CATIP: variants seen among roughly 807,000 people sequenced by gnomAD.
The protein encoded by CATIP is ciliogenesis-associated TTC17-interacting protein.
Under a neutral mutation model 42.5 loss-of-function variants are expected in CATIP, and 40 were observed. That is an observed-to-expected ratio of 0.94 (90% CI 0.73 to 1.22). The LOEUF (loss-of-function observed/expected upper bound fraction) is 1.22, where lower values mean the gene tolerates loss of function less well. CATIP is among the 50% of genes most tolerant of loss of function. The pLI, the probability that CATIP is intolerant of heterozygous loss-of-function variation, is 0.00. For missense variants in CATIP, 489 were observed against 496.0 expected (o/e 0.99, Z 0.13); for synonymous variants, 222 against 200.2 (o/e 1.11, Z -0.92).
At position 218,364,772 on chromosome 2, in the gene CATIP, C is replaced by T; in HGVS notation, c.755+20C>T. 1 of 1,607,218 alleles carries T rather than the reference C, an allele frequency of 6.2e-7. No homozygotes were observed. The highest frequency in any genetic ancestry group is 1.1e-5 in the South Asian group (1 of 90,054). On this transcript the variant is annotated intron_variant, in intron 7 of 9. Coordinates refer to ENST00000289388, the MANE Select transcript of CATIP (RefSeq NM_198559.2). ...CGATGGGTGAGCTGCTGATGGTGGGCCCAGAGGGGTGGTGCTGAGCTTGTA... is the reference window on the plus strand; with the variant it reads ...CGATGGGTGAGCTGCTGATGGTGGGTCCAGAGGGGTGGTGCTGAGCTTGTA...
At chr2:218,361,163 C>T (rs896020417) in intron 5 of CATIP, among the ~76,000 whole-genome samples, 8 of 152,036 alleles carry the variant, frequency 5.3e-5, no homozygotes, top group Admixed American at 4.6e-4. Flanking sequence ...TAAGGAGACA[C>T]GAAACATCAA....
At position 218,364,646 on chromosome 2, in the gene CATIP, ACCAT is replaced by A; in HGVS notation, c.653_656del (p.Ile218ArgfsTer2). ...TTGCCAGCAAAACCTGGGCTTCCAGACCATCCAGGTAGACCATCAGCAGGCTGAA... is the reference window on the plus strand; with the variant it reads ...TTGCCAGCAAAACCTGGGCTTCCAGACCAGGTAGACCATCAGCAGGCTGAA... On this transcript the variant is annotated frameshift_variant, in exon 7 of 10. Transcript: ENST00000289388. LOFTEE classifies it high-confidence loss of function. The A allele has an allele frequency of 1.9e-6, 3 of 1,613,916 alleles. No homozygotes were observed. The highest frequency in any genetic ancestry group is 1.7e-6 in the Non-Finnish European group (2 of 1,179,886).
chr2:218,364,827 G>A, intron 7 of CATIP, 75 bp downstream of exon 7: 1 of 1,514,498 alleles, frequency 6.6e-7, no homozygotes, highest in Non-Finnish European at 8.9e-7. Flanking sequence ...TGCTTCTGGG[G>A]ATAGCACCAG....
rs747109328 is a variant in CATIP at position 218,367,956 on chromosome 2, G to A, written c.1156G>A (p.Ala386Thr). 1.0e-5 allele frequency: 16 copies of A among 1,577,962 alleles called. No individual in the cohort carries two copies. Among genetic ancestry groups the A allele is most frequent in the Middle Eastern group, 2.1e-4 (1 of 4,786 alleles). ...LEPEGDARSG[A>T]A ...GCCGGAGGGAGACGCCCGCTCGGGG[G>A]CGGCCTAAGCGGGGCCCAGGCCCGG... is the stretch of plus-strand genomic sequence containing the variant. The change falls in exon 10 of 10, where the codon GCG becomes ACG. Residue 386 changes from alanine to threonine, a missense_variant. Coordinates refer to ENST00000289388, the MANE Select transcript of CATIP (RefSeq NM_198559.2).
In CATIP at chr2:218,362,901, ATG is replaced by A; in HGVS notation, c.630+1_630+2del. The A allele has an allele frequency of 6.2e-7, 1 of 1,610,642 alleles. No homozygotes were observed. Among genetic ancestry groups the A allele is most frequent in the Non-Finnish European group, 8.5e-7 (1 of 1,177,916 alleles). On this transcript the variant is annotated splice_donor_variant and coding_sequence_variant, in exon 6 of 10. Transcript: ENST00000289388. LOFTEE classifies it high-confidence loss of function. ...GAGGGCAAACTCTGCTATTTGACCTATGTAAGGGGTCCCCTTGGGCAGGGGAC... is the reference window on the plus strand; with the variant it reads ...GAGGGCAAACTCTGCTATTTGACCTATAAGGGGTCCCCTTGGGCAGGGGAC...
intron 5 of CATIP, among the ~76,000 whole-genome samples, chr2:218,361,665 T>C (rs1695238413): frequency 6.6e-6 from 1 of 152,206 alleles, no homozygotes; most frequent in South Asian, 2.1e-4. Context: ...AATTTCCTTG[T>C]GGGCAAATAG....
At chr2:218,357,283 C>CTCTCTCTCTCTCTCTCTT (rs1164351234) in intron 2 of CATIP, 96 bp downstream of exon 2, 1 of 880,160 alleles carries the variant, frequency 1.1e-6, no homozygotes, top group African/African-American at 1.7e-5. Context: ...CTCTCTCTCT[C>CTCTCTCTCTCTCTCTCTT]TCTCTCTTCC....
rs1695079954 is a variant in CATIP, at chr2:218,357,665, T to C, written c.250T>C (p.Tyr84His). Residue 84 changes from tyrosine to histidine, a missense_variant, in exon 3 of 10, where the codon TAC (tyrosine) becomes CAC (histidine). Coordinates refer to ENST00000289388, the MANE Select transcript of CATIP (RefSeq NM_198559.2). ...KYQEKLGMLTYCLFVHASSRG... is the reference protein window; with the variant it reads ...KYQEKLGMLTHCLFVHASSRG... ...CCAGGAAAAACTCGGCATGCTGACA[T>C]ACTGCCTCTTCGTGCATGCCTCTAG... The C allele has an allele frequency of 5.6e-6, 9 of 1,614,090 alleles. No homozygotes were observed. Among genetic ancestry groups the C allele is most frequent in the Non-Finnish European group, 7.6e-6 (9 of 1,180,012 alleles).
intron 4 of CATIP, among the ~76,000 whole-genome samples, chr2:218,358,323 C>A (rs993807421): frequency 6.6e-6 from 1 of 152,116 alleles, no homozygotes; most frequent in African/African-American, 2.4e-5. Context: ...AATCCCAGCA[C>A]TTTGGGAGGC....
At chr2:218,363,354 C>T (rs968445655) in intron 6 of CATIP, among the ~76,000 whole-genome samples, 11 of 151,212 alleles carry the variant, frequency 7.3e-5, no homozygotes, top group African/African-American at 1.5e-4. Flanking sequence ...GGCGTGGTGG[C>T]AGGCGCCTGT....
chr2:218,358,563 GA>G (rs933424245), intron 4 of CATIP, among the ~76,000 whole-genome samples: 1 of 149,702 alleles, frequency 6.7e-6, no homozygotes, highest in African/African-American at 2.5e-5. Context: ...TCCGTCTCAA[GA>G]AAAAAATTAA....
Position 218,366,814 on chromosome 2 carries a change from G to A in CATIP, c.756-210G>A, listed in dbSNP as rs1695458306. Reference sequence around the variant, plus strand: ...CATGGCCTTTCTTCCGTGCATGAGTGAAGAGAAAGCTCTCTGGCATCACCC... The same window carrying A: ...CATGGCCTTTCTTCCGTGCATGAGTAAAGAGAAAGCTCTCTGGCATCACCC... On this transcript the variant is annotated intron_variant, in intron 7 of 9. Transcript: ENST00000289388. The A allele has an allele frequency of 2.3e-5, 13 of 570,710 alleles. No homozygotes were observed. The South Asian group carries it at 2.4e-4, about 11-fold the overall frequency. 35.4% of individuals were successfully genotyped at this position (570,710 alleles called of 1,614,324 possible). A position where few individuals can be genotyped will look rare whatever the true frequency, so the allele number is the denominator to read the frequency against.
chr2:218,362,876 G>T lies in CATIP; in HGVS notation c.604G>T (p.Glu202Ter). ...TGCCCGCTTCCTGACCTTGGACACC[G>T]AGGGCAAACTCTGCTATTTGACCTA... ...SNARFLTLDTEGKLCYLTYQN... is the reference protein window; with the variant it reads ...SNARFLTLDT The change falls in exon 6 of 10, where the codon GAG becomes TAG. Residue 202 changes from glutamate (E) to a stop codon, truncating the protein, a stop_gained. Transcript: ENST00000289388. LOFTEE classifies it high-confidence loss of function. 1 of 1,613,698 alleles carries T rather than the reference G, an allele frequency of 6.2e-7. No individual in the cohort carries two copies. Among genetic ancestry groups the T allele is most frequent in the Non-Finnish European group, 8.5e-7 (1 of 1,179,894 alleles).
intron 4 of CATIP, among the ~76,000 whole-genome samples, chr2:218,358,368 G>A (rs566737881): frequency 2.0e-5 from 3 of 151,272 alleles, no homozygotes; most frequent in East Asian, 2.0e-4. Flanking sequence ...TCAGGAGTTC[G>A]AGACCAGCCT....
chr2:218,362,699 G>C, intron 5 of CATIP, 36 bp from the exon 6 acceptor site: 1 of 1,594,538 alleles, frequency 6.3e-7, no homozygotes, highest in Non-Finnish European at 8.6e-7. Context: ...GCCCCTTCCT[G>C]GTTCCAGGAC....
At chr2:218,361,569 T>C (rs949026521) in intron 5 of CATIP, among the ~76,000 whole-genome samples, 3 of 152,164 alleles carry the variant, frequency 2.0e-5, no homozygotes, top group Admixed American at 6.5e-5. Flanking sequence ...AGTGAAACAA[T>C]AGAGCAGAGA....
chr2:218,363,342 G>A (rs1012583912), intron 6 of CATIP, among the ~76,000 whole-genome samples: 2 of 151,318 alleles, frequency 1.3e-5, no homozygotes, highest in African/African-American at 2.4e-5. Context: ...AAAAATCAGC[G>A]GGGCGTGGTG....
At chr2:218,362,517 C>A (rs1036233778) in intron 5 of CATIP, among the ~76,000 whole-genome samples, 1 of 152,008 alleles carries the variant, frequency 6.6e-6, no homozygotes, top group Non-Finnish European at 1.5e-5. Flanking sequence ...CCTGTAATCC[C>A]TGCTACTTGA....
chr2:218,361,250 T>C (rs1574738070), intron 5 of CATIP, among the ~76,000 whole-genome samples: 1 of 151,918 alleles, frequency 6.6e-6, no homozygotes, highest in African/African-American at 2.4e-5. Context: ...GGCAGGCGCC[T>C]GTAGTCCCAG....
Sources: gnomAD v4.1 joint callset for allele counts (sites outside exome capture counted in the v4.1 genomes callset) on GRCh38, gnomAD v4.1.1 for gene constraint, MANE v1.5 for transcripts, NCBI Gene and HGNC (gene_info 2026-07-23, HGNC 2026-07-21) for gene names.